The following C4orf50 variants were observed in gnomAD, a reference collection of about 807,000 sequenced individuals.
C4orf50 encodes chromosome 4 open reading frame 50.
Under a neutral mutation model 77.2 loss-of-function variants are expected in C4orf50, and 80 were observed. The observed-to-expected ratio is 1.04, with a 90% CI of 0.87 to 1.25. The LOEUF (loss-of-function observed/expected upper bound fraction) is 1.25, where lower values mean the gene tolerates loss of function less well. Among genes scored for constraint, C4orf50 ranks in the 50% most tolerant of loss-of-function variants. C4orf50 has a pLI of 0.00. For missense variants in C4orf50, 1,257 were observed against 1,152.9 expected, an observed-to-expected ratio of 1.09 and a Z score of -1.31; for synonymous variants, 532 against 465.3, an observed-to-expected ratio of 1.14 and a Z score of -1.84.
rs533835770 is a variant in C4orf50, at chr4:5,916,633, G to A, written c.*2475-18445C>T. Reference sequence around the variant, plus strand: ...TGAGACCCAGACAGGGGTGCAGGTGGTTTATTTGGGGGGAGATCCCAGAAG... The same window carrying A: ...TGAGACCCAGACAGGGGTGCAGGTGATTTATTTGGGGGGAGATCCCAGAAG... On this transcript the variant is annotated intron_variant, in intron 7 of 7. Transcript: ENST00000324058. This position sits in a 1 kb window ranked among gnomAD's most constrained non-coding sequence, Gnocchi z 4.4. Among the ~76,000 whole-genome samples, 1 of 152,322 alleles carries A rather than the reference G, an allele frequency of 6.6e-6. No individual in the cohort carries two copies. Among genetic ancestry groups the A allele is most frequent in the Admixed American group, 6.5e-5 (1 of 15,298 alleles).
chr4:5,935,402 A>G (rs1393550017), intron 7 of C4orf50, among the ~76,000 whole-genome samples: 2 of 152,236 alleles, frequency 1.3e-5, no homozygotes, highest in Admixed American at 6.5e-5. Flanking sequence ...AGATGTAACC[A>G]TAGCCCTATA....
At chr4:5,966,252 G>A (rs911652434) in intron 32 of C4orf50, among the ~76,000 whole-genome samples, 4 of 152,120 alleles carry the variant, frequency 2.6e-5, no homozygotes, top group African/African-American at 9.7e-5. Context: ...AAGGCAGGTG[G>A]ATCACATGAG....
At chr4:5,910,248 T>C (rs1041511662) in intron 7 of C4orf50, among the ~76,000 whole-genome samples, 3 of 152,220 alleles carry the variant, frequency 2.0e-5, no homozygotes, top group Admixed American at 6.5e-5. Flanking sequence ...GAGCAGGTGC[T>C]GACCAAGGAC....
chr4:6,003,735 G>A (rs1197310035), intron 25 of C4orf50, among the ~76,000 whole-genome samples: 1 of 148,732 alleles, frequency 6.7e-6, no homozygotes, highest in Admixed American at 6.7e-5. Context: ...TGGTGATGGT[G>A]ATGATAGTGG....
chr4:5,975,887 T>G lies in C4orf50; in HGVS notation c.3921+12A>C. 6.3e-7 allele frequency: 1 copy of G among 1,597,268 alleles called. No homozygotes were observed. Among genetic ancestry groups the G allele is most frequent in the Non-Finnish European group, 8.6e-7 (1 of 1,164,590 alleles). The stretch of plus-strand genomic sequence containing the variant: ...AAAGAGGCATTTCATGTTGATTTTA[T>G]GAACATATTACCTTCAGGGGAGTCA... On this transcript the variant is annotated intron_variant, in intron 30 of 33. Coordinates refer to ENST00000531445, the Ensembl canonical transcript of C4orf50.
Position 5,948,784 on chromosome 4 carries a change from C to G in C4orf50, c.*2474+8117G>C, listed in dbSNP as rs138577408. On this transcript the variant is annotated intron_variant, in intron 7 of 7. Coordinates refer to the C4orf50 transcript ENST00000324058. ...ACTCCAGCCTGGTGACAAAGTGAGA[C>G]ACCATCTCCAAAAAAAAAAAAAAAA... Among the ~76,000 whole-genome samples the G allele has an allele frequency of 2.0e-3, 287 of 143,216 alleles. 2 individuals are homozygous for G. Among genetic ancestry groups the G allele is most frequent in the African/African-American group, 7.0e-3 (269 of 38,372 alleles). 94.0% of individuals were successfully genotyped at this position (143,216 alleles called of 152,430 possible).
chr4:5,934,124 T>G (rs998689755), intron 7 of C4orf50, among the ~76,000 whole-genome samples: 1 of 152,138 alleles, frequency 6.6e-6, no homozygotes, highest in Non-Finnish European at 1.5e-5. Context: ...TTCGCCTCCC[T>G]GCACCTCGGT....
chr4:5,956,194 CA>C (rs1718949810), downstream of C4orf50, among the ~76,000 whole-genome samples: 3 of 152,310 alleles, frequency 2.0e-5, no homozygotes, highest in Middle Eastern at 0.01. Context: ...TCCAGGATTA[CA>C]GAAAGCCAGG....
rs1337452421 is a variant in C4orf50, at chr4:6,009,490, T to C, written c.427-958A>G. ...TTGGGGAACGTGGGGCAGATAAAAGTCAGGGTCAGATTCCCTGGGAGGACA... is the reference window on the plus strand; with the variant it reads ...TTGGGGAACGTGGGGCAGATAAAAGCCAGGGTCAGATTCCCTGGGAGGACA... On this transcript the variant is annotated intron_variant, in intron 24 of 33. Coordinates refer to ENST00000531445, the Ensembl canonical transcript of C4orf50. This position sits in a 1 kb window ranked among gnomAD's most constrained non-coding sequence, Gnocchi z 5.6. 6.6e-6 allele frequency among the ~76,000 whole-genome samples: 1 copy of C among 152,154 alleles called. No individual in the cohort carries two copies. Among genetic ancestry groups the C allele is most frequent in the Non-Finnish European group, 1.5e-5 (1 of 68,016 alleles).
At chr4:5,942,863 C>G (rs1170294389) in intron 7 of C4orf50, among the ~76,000 whole-genome samples, 1 of 152,038 alleles carries the variant, frequency 6.6e-6, no homozygotes, top group Non-Finnish European at 1.5e-5. Context: ...TTTCAAAAAG[C>G]CTGGATGCGT....
intron 31 of C4orf50, among the ~76,000 whole-genome samples, chr4:5,968,796 C>G (rs922356278): frequency 6.6e-6 from 1 of 152,170 alleles, no homozygotes; most frequent in African/African-American, 2.4e-5. Context: ...GCTCCTTCAA[C>G]GCGAGACTGG....
At chr4:5,963,183 G>A (rs1719372510) in intron 33 of C4orf50, among the ~76,000 whole-genome samples, 3 of 151,876 alleles carry the variant, frequency 2.0e-5, no homozygotes, top group Admixed American at 2.0e-4. Flanking sequence ...ATTTTTAGTA[G>A]AGATGGGGTT....
chr4:6,000,157 C>T lies in C4orf50; in HGVS notation c.964-5681G>A, dbSNP rs1297546252. 6.6e-6 allele frequency among the ~76,000 whole-genome samples: 1 copy of T among 151,452 alleles called. No homozygotes were observed. Among genetic ancestry groups the T allele is most frequent in the Non-Finnish European group, 1.5e-5 (1 of 67,772 alleles). Reference sequence around the variant, plus strand: ...TGGCTCTCGGTCCTCCTGGGTCACTCCCAGTCCTTTGAAGATGCACTGGCA... The same window carrying T: ...TGGCTCTCGGTCCTCCTGGGTCACTTCCAGTCCTTTGAAGATGCACTGGCA... On this transcript the variant is annotated intron_variant, in intron 25 of 33. Coordinates refer to ENST00000531445, the Ensembl canonical transcript of C4orf50. The surrounding 1 kb of genome is among the most constrained non-coding windows in gnomAD (Gnocchi z 6.0).
intron 32 of C4orf50, among the ~76,000 whole-genome samples, chr4:5,966,641 C>T (rs1452983967): frequency 1.4e-5 from 2 of 147,168 alleles, no homozygotes; most frequent in African/African-American, 5.0e-5. Context: ...TTATATGAAA[C>T]ATTCCATATC....
At position 6,004,282 on chromosome 4, in the gene C4orf50, G is replaced by T. The variant is rs535817411; in HGVS notation, c.963+3714C>A. Among the ~76,000 whole-genome samples the T allele has an allele frequency of 1.6e-3, 130 of 81,236 alleles. 7 individuals are homozygous for T. The East Asian group carries it at 0.039, about 24-fold the overall frequency. 53.3% of individuals were successfully genotyped at this position (81,236 alleles called of 152,430 possible). Reference sequence around the variant, plus strand: ...TGGTGATGGTGGTGATGGTGATGGTGATGTTGGTGATGATGGTGATGGTGG... The same window carrying T: ...TGGTGATGGTGGTGATGGTGATGGTTATGTTGGTGATGATGGTGATGGTGG... On this transcript the variant is annotated intron_variant, in intron 25 of 33. Transcript: ENST00000531445.
At chr4:5,955,843 T>C (rs867010367), downstream of C4orf50, among the ~76,000 whole-genome samples, 1 of 152,160 alleles carries the variant, frequency 6.6e-6, no homozygotes, top group Non-Finnish European at 1.5e-5. This position sits in a 1 kb window ranked among gnomAD's most constrained non-coding sequence, Gnocchi z 5.1. Context: ...CAGGGCCCTG[T>C]CTGTGATGCT....
intron 7 of C4orf50, among the ~76,000 whole-genome samples, chr4:5,929,908 C>T (rs78943684): frequency 0.023 from 3,537 of 152,326 alleles, 116 homozygotes; most frequent in African/African-American, 0.071. Context: ...TTAGCTACCC[C>T]GCAGTAAGCA....
intron 32 of C4orf50, among the ~76,000 whole-genome samples, chr4:5,965,369 A>ACTGCCTGC (rs1025304846): frequency 1.3e-5 from 2 of 152,030 alleles, no homozygotes; most frequent in Non-Finnish European, 2.9e-5. Flanking sequence ...ATCCCAGAAA[A>ACTGCCTGC]CTGCCTGCCT....
intron 27 of C4orf50, among the ~76,000 whole-genome samples, chr4:5,991,223 C>T (rs1721266363): frequency 6.6e-6 from 1 of 152,232 alleles, no homozygotes; most frequent in Non-Finnish European, 1.5e-5. Context: ...TAGCCCTGCC[C>T]TGTCCAATCC....
Sources: gnomAD v4.1 joint callset for allele counts (sites outside exome capture counted in the v4.1 genomes callset) on GRCh38, gnomAD v4.1.1 for gene constraint, Gnocchi (gnomAD v3.1) non-coding constraint, MANE v1.5 for transcripts, NCBI Gene and HGNC (gene_info 2026-07-23, HGNC 2026-07-21) for gene names.